The following FAM217B variants were observed in gnomAD, a reference collection of about 807,000 sequenced individuals.
FAM217B encodes protein FAM217B.
For missense variants in FAM217B, 463 were observed against 456.9 expected (o/e 1.01, Z -0.12); for synonymous variants, 163 against 173.0 (o/e 0.94, Z 0.45).
rs2060945810 is a variant in FAM217B at position 59,947,791 on chromosome 20, A to G, written c.*2696A>G. 6.0e-6 allele frequency: 1 copy of G among 167,100 alleles called. No individual in the cohort carries two copies. The highest frequency in any genetic ancestry group is 2.4e-5 in the African/African-American group (1 of 41,470). 10.4% of individuals were successfully genotyped at this position (167,100 alleles called of 1,614,324 possible). On this transcript the variant is annotated 3_prime_UTR_variant, in exon 4 of 4. Coordinates refer to ENST00000360816, the MANE Select transcript of FAM217B (RefSeq NM_022106.3). ...ATAAGCACAATTTTAATTTTATGAT[A>G]TCTGATATGCCTATCTAATACATCT...
At position 59,944,041 on chromosome 20, in the gene FAM217B, C is replaced by G. The variant is rs371964177; in HGVS notation, c.98C>G (p.Pro33Arg). The change falls in exon 4 of 4, where the codon CCG becomes CGG. Residue 33 changes from proline (P) to arginine (R), a missense_variant. Transcript: ENST00000360816. ...KSQVPHASSQ[P>R]RSSLTAVTQP... ...CAAGTACCCCACGCTTCTTCCCAGC[C>G]GAGAAGCAGCCTCACAGCTGTCACC... 1.2e-6 allele frequency: 2 copies of G among 1,614,046 alleles called. No individual in the cohort carries two copies. The highest frequency in any genetic ancestry group is 3.3e-5 in the Admixed American group (2 of 60,018).
At position 59,940,392 on chromosome 20, in the gene FAM217B, T is replaced by G. The variant is rs1373388599; in HGVS notation, c.-346T>G. The G allele has an allele frequency of 6.6e-6, 1 of 152,498 alleles. No individual in the cohort carries two copies. The highest frequency in any genetic ancestry group is 1.5e-5 in the Non-Finnish European group (1 of 68,072). 9.4% of individuals were successfully genotyped at this position (152,498 alleles called of 1,614,324 possible). ...CAGGCGGGCCCCCGCCGGCCTCAGC[T>G]CAGCCAGGGAGCTCAGCGGAGCTGC... On this transcript the variant is annotated 5_prime_UTR_variant, in exon 1 of 4. Coordinates refer to ENST00000360816, the MANE Select transcript of FAM217B (RefSeq NM_022106.3).
rs1474247475 is a variant in FAM217B at position 59,942,252 on chromosome 20, C to T, written c.-148C>T. On this transcript the variant is annotated 5_prime_UTR_variant, in exon 2 of 4. Transcript: ENST00000360816. ...TAAGAGGAATAAAGAAGTCACCTCC[C>T]CAGCTGTCATCATCTTCCAGCAGAT... 6.6e-6 allele frequency: 1 copy of T among 152,584 alleles called. No individual in the cohort carries two copies. The highest frequency in any genetic ancestry group is 1.5e-5 in the Non-Finnish European group (1 of 68,028). The allele number at this position is 152,584 out of a possible 1,614,324, so 9.5% of individuals were successfully genotyped here.
At chr20:59,938,364 A>G (rs1163473303), upstream of FAM217B, 1 of 152,244 alleles carries the variant, frequency 6.6e-6, no homozygotes, top group African/African-American at 2.4e-5. Flanking sequence ...TAACCAGGAC[A>G]GTCTCAATGC....
chr20:59,939,520 T>G, upstream of FAM217B: 4 of 1,611,976 alleles, frequency 2.5e-6, no homozygotes, highest in Non-Finnish European at 2.5e-6. Context: ...AGGTCCGAGT[T>G]GATTGCGAGC....
intron 1 of FAM217B, among the ~76,000 whole-genome samples, chr20:59,941,625 AT>A (rs1390440788): frequency 1.3e-5 from 2 of 152,238 alleles, no homozygotes; most frequent in African/African-American, 4.8e-5. Context: ...GAGATGATAT[AT>A]AATATGTAAT....
rs1275458009 is a variant in FAM217B at position 59,948,159 on chromosome 20, T to C, written c.*3064T>C. On this transcript the variant is annotated 3_prime_UTR_variant, in exon 4 of 4. Coordinates refer to ENST00000360816, the MANE Select transcript of FAM217B (RefSeq NM_022106.3). ...GTATATCAGTATTTGCAGTATTTGC[T>C]GTGATTACTTAGGTTTAGACTTTCT... 4 of 166,900 alleles carry C rather than the reference T, an allele frequency of 2.4e-5. No homozygotes were observed. Among genetic ancestry groups the C allele is most frequent in the Admixed American group, 1.3e-4 (2 of 15,286 alleles). The allele number at this position is 166,900 out of a possible 1,614,324, so 10.3% of individuals were successfully genotyped here.
chr20:59,937,662 GGC>G (rs2060870008), upstream of FAM217B: 3 of 147,714 alleles, frequency 2.0e-5, no homozygotes, highest in African/African-American at 8.0e-5. Flanking sequence ...TGTCCTTCCT[GGC>G]TGTTTTTTTT....
Position 59,947,051 on chromosome 20 carries a change from C to A in FAM217B, c.*1956C>A, listed in dbSNP as rs902178775. The stretch of plus-strand genomic sequence containing the variant: ...ATACATATGTGTATATGTATATATA[C>A]TCCTTATGTTAATACTAAAGTGTTT... On this transcript the variant is annotated 3_prime_UTR_variant, in exon 4 of 4. Transcript: ENST00000360816. 1 of 167,012 alleles carries A rather than the reference C, an allele frequency of 6.0e-6. No individual in the cohort carries two copies. The highest frequency in any genetic ancestry group is 2.4e-5 in the African/African-American group (1 of 41,420). The allele number at this position is 167,012 out of a possible 1,614,324, so 10.3% of individuals were successfully genotyped here. A position where few individuals can be genotyped will look rare whatever the true frequency, so the allele number is the denominator to read the frequency against.
rs2060922785 is a variant in FAM217B, at chr20:59,944,306, A to G, written c.363A>G (p.Glu121=). ...CAGATCTCAATCTTCGAGCTGAAGA[A>G]ATTGATCCAGTTTACTTTGATCTTC... ...TPPDLNLRAE[E]IDPVYFDLHP... is the part of the protein sequence containing the mutation. Residue 121 remains glutamate (E), a synonymous_variant, in exon 4 of 4, where the codon GAA becomes GAG. Transcript: ENST00000360816. 1 of 1,614,152 alleles carries G rather than the reference A, an allele frequency of 6.2e-7. No individual in the cohort carries two copies. The highest frequency in any genetic ancestry group is 8.5e-7 in the Non-Finnish European group (1 of 1,180,022).
chr20:59,947,719 G>C lies in FAM217B; in HGVS notation c.*2624G>C, dbSNP rs1311354018. The C allele has an allele frequency of 6.0e-6, 1 of 166,994 alleles. No homozygotes were observed. Among genetic ancestry groups the C allele is most frequent in the Non-Finnish European group, 1.5e-5 (1 of 68,104 alleles). 10.3% of individuals were successfully genotyped at this position (166,994 alleles called of 1,614,324 possible). ...TGTCACGACTAGATCATAGCTCCTA[G>C]TGAATAACATGAGGTGTTTTAAAGT... is the stretch of plus-strand genomic sequence containing the variant. On this transcript the variant is annotated 3_prime_UTR_variant, in exon 4 of 4. Coordinates refer to ENST00000360816, the MANE Select transcript of FAM217B (RefSeq NM_022106.3).
chr20:59,947,511 A>T lies in FAM217B; in HGVS notation c.*2416A>T, dbSNP rs2060943771. 6.0e-6 allele frequency: 1 copy of T among 166,494 alleles called. No individual in the cohort carries two copies. The allele number at this position is 166,494 out of a possible 1,614,324, so 10.3% of individuals were successfully genotyped here. On this transcript the variant is annotated 3_prime_UTR_variant, in exon 4 of 4. Transcript: ENST00000360816. ...AAGAGGGAAACTCCGTTTCAAAAAA[A>T]AAAGAAAAAGAAAGAAATTGAGAAG...
chr20:59,939,813 G>C, upstream of FAM217B: 1 of 1,234,910 alleles, frequency 8.1e-7, no homozygotes, highest in Non-Finnish European at 1.0e-6. Context: ...GGGCCTACAG[G>C]CCCGCGGCTC....
chr20:59,943,417 T>C (rs965232911), intron 3 of FAM217B, among the ~76,000 whole-genome samples: 1 of 152,242 alleles, frequency 6.6e-6, no homozygotes, highest in Non-Finnish European at 1.5e-5. Context: ...TACTTTTATA[T>C]ATTAAAATTT....
At chr20:59,936,231 C>T (rs3928738), upstream of FAM217B, among the ~76,000 whole-genome samples, 1 of 152,106 alleles carries the variant, frequency 6.6e-6, no homozygotes, top group East Asian at 1.9e-4. Context: ...GGATCCACGT[C>T]ATATATACAG....
chr20:59,940,095 C>G, upstream of FAM217B: 1 of 467,652 alleles, frequency 2.1e-6, no homozygotes, highest in Non-Finnish European at 3.6e-6. Flanking sequence ...CACCTTGCTC[C>G]TCGAGTCCTT....
At chr20:59,942,750 C>T (rs1363629144) in intron 3 of FAM217B, among the ~76,000 whole-genome samples, 2 of 152,114 alleles carry the variant, frequency 1.3e-5, no homozygotes, top group Non-Finnish European at 2.9e-5. Flanking sequence ...GTCCTTTAAT[C>T]ACTTTTCTAT....
upstream of FAM217B, chr20:59,939,980 C>T (rs773918209): frequency 9.7e-6 from 12 of 1,234,694 alleles, no homozygotes; most frequent in South Asian, 3.3e-4. Flanking sequence ...GACGACCTCC[C>T]GACCCCGCGA....
At chr20:59,936,932 A>T (rs41276970), upstream of FAM217B, 1 of 152,632 alleles carries the variant, frequency 6.6e-6, no homozygotes, top group Non-Finnish European at 1.5e-5. Flanking sequence ...TGCACAGCCC[A>T]CTAGAAAATT....
Sources: gnomAD v4.1 joint callset for allele counts (sites outside exome capture counted in the v4.1 genomes callset) on GRCh38, gnomAD v4.1.1 for gene constraint, MANE v1.5 for transcripts, NCBI Gene and HGNC (gene_info 2026-07-23, HGNC 2026-07-21) for gene names.